The following TENM3 variants were observed in gnomAD, a reference collection of about 807,000 sequenced individuals.
The protein encoded by TENM3 is teneurin-3.
TENM3 carries 63 observed loss-of-function variants against 255.1 expected under a neutral mutation model. The observed-to-expected ratio is 0.25, with a 90% CI of 0.20 to 0.30. The LOEUF is 0.30. Ranked by LOEUF, TENM3 falls within the 10% of genes least tolerant of loss-of-function variation. TENM3 has a pLI of 1.00. For synonymous variants in TENM3, 1,306 were observed against 1,322.3 expected (o/e 0.99, Z 0.27); for missense variants, 2,929 against 3,461.1 (o/e 0.85, Z 3.86).
the TENM3 span, among the ~76,000 whole-genome samples, chr4:181,562,477 G>C: frequency 6.6e-6 from 1 of 152,174 alleles, no homozygotes; most frequent in East Asian, 1.9e-4. Flanking sequence ...CTAGATGTGG[G>C]CCAGTTGTCT....
chr4:182,704,923 G>A (rs1353105813), intron 12 of TENM3, among the ~76,000 whole-genome samples: 1 of 141,554 alleles, frequency 7.1e-6, no homozygotes, highest in Non-Finnish European at 1.5e-5. Flanking sequence ...TTTGATGTTT[G>A]TCCATAATCT....
In TENM3 at chr4:182,793,631, C is replaced by T; in HGVS notation, c.6959C>T (p.Ala2320Val). Residue 2320 changes from alanine (A) to valine (V), a missense_variant, in exon 26 of 28, where the codon GCA becomes GTA. By Grantham distance (64) the Ala-to-Val change is moderately conservative. This residue lies in a region of TENM3 where 256 missense variants were observed against 389.3 expected (regional missense o/e 0.66). Coordinates refer to ENST00000511685, the MANE Select transcript of TENM3 (RefSeq NM_001080477.4). The surrounding 1 kb of genome is among the most constrained non-coding windows in gnomAD (Gnocchi z 5.7). ...GLMLKQIQYT[A>V]YGEIYFDSNI... ...ATGCTGAAACAGATTCAGTACACTG[C>T]ATATGGGGAAATCTATTTTGACTCT... The T allele has an allele frequency of 1.9e-6, 3 of 1,613,972 alleles. No individual in the cohort carries two copies. The African/African-American group carries it at 4.0e-5, about 22-fold the overall frequency.
chr4:182,290,707 G>A (rs1430085429), intron 1 of TENM3, among the ~76,000 whole-genome samples: 1 of 151,904 alleles, frequency 6.6e-6, no homozygotes, highest in Non-Finnish European at 1.5e-5. Flanking sequence ...GTTTCACCAT[G>A]TTAACCAGGA....
rs1409214082 is a variant in TENM3, at chr4:182,793,769, C to T, written c.7097C>T (p.Thr2366Ile). 1 of 1,613,960 alleles carries T rather than the reference C, an allele frequency of 6.2e-7. No individual in the cohort carries two copies. ...GACATTTTGGCAGGACGGTGGACAA[C>T]ACCTGACATAGAAATCTGGAAAAGA... ...DYDILAGRWT[T>I]PDIEIWKRIG... Residue 2366 changes from threonine to isoleucine, a missense_variant, in exon 26 of 28, where the codon ACA (threonine) becomes ATA (isoleucine). Coordinates refer to ENST00000511685, the MANE Select transcript of TENM3 (RefSeq NM_001080477.4). The surrounding 1 kb of genome is among the most constrained non-coding windows in gnomAD (Gnocchi z 5.7).
At chr4:182,714,006 C>T in intron 12 of TENM3, 81 bp from the exon 13 acceptor site, 6 of 1,193,874 alleles carry the variant, frequency 5.0e-6, no homozygotes, top group Non-Finnish European at 7.3e-6. Flanking sequence ...CCTGTTCCCA[C>T]TAAGTGTCCC....
the TENM3 span, among the ~76,000 whole-genome samples, chr4:181,520,106 G>T: frequency 3.3e-5 from 5 of 152,148 alleles, no homozygotes; most frequent in Admixed American, 6.5e-5. Context: ...CAAGATGGTG[G>T]CAAAGCCCCA....
At chr4:182,241,251 C>A (rs1453123230), upstream of TENM3, among the ~76,000 whole-genome samples, 3 of 152,186 alleles carry the variant, frequency 2.0e-5, no homozygotes, top group African/African-American at 7.2e-5. Context: ...TATCCCAATA[C>A]TTTGTTCTCT....
the TENM3 span, among the ~76,000 whole-genome samples, chr4:181,671,275 A>C: frequency 6.6e-6 from 1 of 152,170 alleles, no homozygotes; most frequent in African/African-American, 2.4e-5. Context: ...AAATTGACCC[A>C]TATATTAAAT....
chr4:182,065,649 G>A, the TENM3 span, among the ~76,000 whole-genome samples: 9 of 152,150 alleles, frequency 5.9e-5, no homozygotes, highest in African/African-American at 1.9e-4. Context: ...TTCGACCTGA[G>A]ATTTGGGCAG....
chr4:182,428,819 A>G (rs1771421955), intron 3 of TENM3, among the ~76,000 whole-genome samples: 1 of 152,208 alleles, frequency 6.6e-6, no homozygotes, highest in Admixed American at 6.5e-5. Context: ...AAATTAAAAG[A>G]GGAATAATTT....
At chr4:182,335,401 A>T (rs963694600) in intron 2 of TENM3, among the ~76,000 whole-genome samples, 2 of 135,956 alleles carry the variant, frequency 1.5e-5, no homozygotes, top group Non-Finnish European at 1.6e-5. Flanking sequence ...AGGCTGAGGC[A>T]GGAGAATGGC....
intron 1 of TENM3, among the ~76,000 whole-genome samples, chr4:182,167,654 C>T (rs1751808722): frequency 6.6e-6 from 1 of 152,128 alleles, no homozygotes; most frequent in Admixed American, 6.5e-5. Context: ...TGGTGGATTG[C>T]TAGAGCCCAG....
chr4:181,933,178 G>GA, the TENM3 span, among the ~76,000 whole-genome samples: 1 of 151,914 alleles, frequency 6.6e-6, no homozygotes, highest in Non-Finnish European at 1.5e-5. Context: ...AATAAAATAA[G>GA]AAAATGTGTG....
chr4:182,656,750 T>G (rs575969451), intron 6 of TENM3, among the ~76,000 whole-genome samples: 15 of 152,334 alleles, frequency 9.8e-5, no homozygotes, highest in Middle Eastern at 3.4e-3. Context: ...ACTCTTATTT[T>G]GTAAATATAA....
At chr4:181,570,581 GAAA>G in the TENM3 span, among the ~76,000 whole-genome samples, 31,006 of 149,424 alleles carry the variant, frequency 0.21, 3,234 homozygotes, top group East Asian at 0.27. Context: ...GGAAAAGAGA[GAAA>G]AAGAAAGAAA....
chr4:182,323,629 T>C (rs1333125915), intron 1 of TENM3, among the ~76,000 whole-genome samples: 5 of 152,204 alleles, frequency 3.3e-5, no homozygotes, highest in Admixed American at 6.5e-5. Context: ...TAACAAACTA[T>C]TGAAGCCAAT....
intron 5 of TENM3, among the ~76,000 whole-genome samples, chr4:182,629,373 G>T (rs943748484): frequency 6.6e-6 from 1 of 152,048 alleles, no homozygotes; most frequent in Non-Finnish European, 1.5e-5. Flanking sequence ...AGAACTGGGC[G>T]TCCATAAAGC....
At chr4:181,472,114 C>G in the TENM3 span, among the ~76,000 whole-genome samples, 2 of 152,074 alleles carry the variant, frequency 1.3e-5, no homozygotes, top group East Asian at 3.9e-4. Flanking sequence ...TTCCAAGGTG[C>G]CATATTTTGG....
At chr4:182,566,849 C>G (rs1240214254) in intron 3 of TENM3, among the ~76,000 whole-genome samples, 3 of 152,080 alleles carry the variant, frequency 2.0e-5, no homozygotes, top group Admixed American at 2.0e-4. Flanking sequence ...GTGTGTTTGC[C>G]AGGCCACTGT....
Sources: allele counts gnomAD v4.1 joint callset (sites outside exome capture counted in the v4.1 genomes callset), GRCh38; gene constraint gnomAD v4.1.1; regional missense constraint gnomAD v4.1.1; non-coding constraint Gnocchi (gnomAD v3.1); transcripts MANE v1.5; gene names NCBI Gene and HGNC (gene_info 2026-07-23, HGNC 2026-07-21).